CCDC141: variants seen among roughly 807,000 people sequenced by gnomAD.
The protein encoded by CCDC141 is coiled-coil domain-containing protein 141.
In CCDC141, 168 loss-of-function variants were observed where a neutral mutation model predicts 181.0. That is an observed-to-expected ratio of 0.93 (90% CI 0.82 to 1.05). CCDC141 has a LOEUF of 1.05. CCDC141 is among the 50% of genes least tolerant of loss of function. The pLI, the probability that CCDC141 is intolerant of heterozygous loss-of-function variation, is 0.00. For missense variants in CCDC141, 1,902 were observed against 1,788.5 expected (o/e 1.06, Z -1.14); for synonymous variants, 666 against 642.3 (o/e 1.04, Z -0.56).
intron 2 of CCDC141, among the ~76,000 whole-genome samples, chr2:178,999,186 A>G (rs1443564276): frequency 6.6e-6 from 1 of 152,132 alleles, no homozygotes; most frequent in African/African-American, 2.4e-5. Flanking sequence ...CAAACCATCT[A>G]CAAATAGATC....
chr2:178,834,565 T>C, intron 23 of CCDC141, 125 bp from the exon 24 acceptor site: 2 of 1,072,266 alleles, frequency 1.9e-6, no homozygotes, highest in Non-Finnish European at 2.6e-6. Context: ...GTAGGAACCT[T>C]GTAGCCACAA....
intron 21 of CCDC141, among the ~76,000 whole-genome samples, chr2:178,848,824 A>G (rs537441755): frequency 6.6e-6 from 1 of 152,244 alleles, no homozygotes; most frequent in Non-Finnish European, 1.5e-5. Context: ...ATAACATGAG[A>G]TATGTGGTTT....
intron 2 of CCDC141, among the ~76,000 whole-genome samples, chr2:179,023,314 A>G (rs1193526541): frequency 6.6e-6 from 1 of 152,164 alleles, no homozygotes; most frequent in East Asian, 1.9e-4. Flanking sequence ...ACAGATGAGG[A>G]AACTGAGGCA....
At position 178,837,322 on chromosome 2, in the gene CCDC141, T is replaced by C. The variant is rs759017068; in HGVS notation, c.3897A>G (p.Pro1299=). ...TTTCCACGAATCCTCTGGAGGTTAG[T>C]GGGGGCTCAGCTTTGAACTGGAGGT... is the stretch of plus-strand genomic sequence containing the variant. ...RPYLQFKAEP[P]LTSRGFVEKS... is the part of the protein sequence containing the mutation. Residue 1299 remains proline, a synonymous_variant, in exon 23 of 24, where the codon CCA becomes CCG. Transcript: ENST00000443758. The C allele has an allele frequency of 1.2e-6, 2 of 1,613,944 alleles. No homozygotes were observed. The highest frequency in any genetic ancestry group is 1.7e-6 in the Non-Finnish European group (2 of 1,179,972).
At chr2:178,878,270 T>TA (rs1002090428) in intron 11 of CCDC141, 127 bp from the exon 12 acceptor site, 146 of 155,916 alleles carry the variant, frequency 9.4e-4, no homozygotes, top group African/African-American at 6.1e-3. Context: ...TTTGTAAACA[T>TA]ATTTATTTAT....
intron 3 of CCDC141, 80 bp downstream of exon 3, chr2:178,978,404 T>A: frequency 1.1e-6 from 1 of 936,560 alleles, no homozygotes; most frequent in Non-Finnish European, 1.4e-6. Flanking sequence ...CAATGTCTAT[T>A]TGTGAAAAAA....
intron 19 of CCDC141, among the ~76,000 whole-genome samples, chr2:178,854,559 G>A (rs987596388): frequency 2.0e-5 from 3 of 152,132 alleles, no homozygotes; most frequent in African/African-American, 7.2e-5. Flanking sequence ...TGTGATGGAA[G>A]GAATGTCTGA....
chr2:178,942,102 TG>T (rs1689549335), intron 6 of CCDC141, among the ~76,000 whole-genome samples: 1 of 151,038 alleles, frequency 6.6e-6, no homozygotes, highest in Admixed American at 6.6e-5. Context: ...CTTGAGTACA[TG>T]GGGCAATACT....
chr2:178,876,977 A>G (rs534561127), intron 12 of CCDC141: 1 of 152,308 alleles, frequency 6.6e-6, no homozygotes, highest in Non-Finnish European at 1.5e-5. Context: ...GTACCAGCAA[A>G]GTGAAACTAC....
intron 8 of CCDC141, among the ~76,000 whole-genome samples, chr2:178,891,218 C>CA (rs536817192): frequency 1.1e-3 from 168 of 152,226 alleles, no homozygotes; most frequent in African/African-American, 3.9e-3. Flanking sequence ...CTAATAAAAA[C>CA]AGTTATTGAG....
At chr2:178,857,055 TCA>T (rs890005020) in intron 17 of CCDC141, among the ~76,000 whole-genome samples, 4 of 152,252 alleles carry the variant, frequency 2.6e-5, no homozygotes, top group Admixed American at 2.6e-4. Context: ...AGAAAATTTC[TCA>T]CATATCATAC....
intron 2 of CCDC141, among the ~76,000 whole-genome samples, chr2:178,999,795 T>G (rs2041902462): frequency 6.6e-6 from 1 of 151,990 alleles, no homozygotes. Flanking sequence ...CTTGAACAAC[T>G]CTTCATCATC....
intron 2 of CCDC141, among the ~76,000 whole-genome samples, chr2:178,983,499 A>G (rs1405735834): frequency 1.3e-5 from 2 of 151,604 alleles, no homozygotes; most frequent in Admixed American, 6.6e-5. Flanking sequence ...AGAAGGCTTC[A>G]GACGATCAAA....
At chr2:178,975,892 A>G (rs1020282507) in intron 3 of CCDC141, among the ~76,000 whole-genome samples, 5 of 152,272 alleles carry the variant, frequency 3.3e-5, no homozygotes, top group African/African-American at 1.2e-4. Flanking sequence ...AATAATTTGT[A>G]TGCATTACAT....
chr2:178,988,047 T>C (rs1691841119), intron 2 of CCDC141, among the ~76,000 whole-genome samples: 1 of 151,842 alleles, frequency 6.6e-6, no homozygotes, highest in Non-Finnish European at 1.5e-5. Flanking sequence ...CTATTCACAA[T>C]AGCAAAGACT....
intron 2 of CCDC141, among the ~76,000 whole-genome samples, chr2:179,008,421 G>T (rs1351976471): frequency 6.6e-6 from 1 of 152,120 alleles, no homozygotes; most frequent in African/African-American, 2.4e-5. Flanking sequence ...CACGGGCACT[G>T]AGCAGCTGAG....
the CCDC141 span, among the ~76,000 whole-genome samples, chr2:178,816,647 C>A: frequency 6.6e-6 from 1 of 152,004 alleles, no homozygotes; most frequent in Non-Finnish European, 1.5e-5. Context: ...TGCCGTTTTG[C>A]GTTCCCACCA....
chr2:178,818,162 T>A, the CCDC141 span, among the ~76,000 whole-genome samples: 3 of 152,148 alleles, frequency 2.0e-5, no homozygotes, highest in African/African-American at 4.8e-5. Context: ...AATGTCAAAT[T>A]TCTTTTTACT....
chr2:178,860,565 TTTTTTTTG>T, intron 17 of CCDC141, among the ~76,000 whole-genome samples: 1 of 132,422 alleles, frequency 7.6e-6, no homozygotes, highest in Non-Finnish European at 1.6e-5. Context: ...TTTTTTTTTT[TTTTTTTTG>T]GTAGAGGCAG....
Sources: gnomAD v4.1 joint callset for allele counts (sites outside exome capture counted in the v4.1 genomes callset) on GRCh38, gnomAD v4.1.1 for gene constraint, MANE v1.5 for transcripts, NCBI Gene and HGNC (gene_info 2026-07-23, HGNC 2026-07-21) for gene names.